The following GPRIN3 variants were observed in gnomAD, a reference collection of about 807,000 sequenced individuals.
The protein encoded by GPRIN3 is G protein-regulated inducer of neurite outgrowth 3.
GPRIN3 carries 12 observed loss-of-function variants against 13.7 expected under a neutral mutation model. The ratio of observed to expected loss-of-function variants is 0.87; its 90% CI spans 0.56 to 1.42. GPRIN3 has a LOEUF of 1.42. Among genes scored for constraint, GPRIN3 ranks in the 40% most tolerant of loss-of-function variants. The pLI is 0.00. For missense variants in GPRIN3, 1,009 were observed against 958.7 expected (o/e 1.05, Z -0.69); for synonymous variants, 377 against 372.7 (o/e 1.01, Z -0.13).
At chr4:89,258,691 G>A (rs954560237) in intron 1 of GPRIN3, among the ~76,000 whole-genome samples, 7 of 152,292 alleles carry the variant, frequency 4.6e-5, no homozygotes, top group East Asian at 1.9e-4. Context: ...CATGAGGGTC[G>A]TATGACCTGC....
In GPRIN3 at chr4:89,250,219, C is replaced by T. The variant is rs1248599830; in HGVS notation, c.-109G>A. The T allele has an allele frequency of 1.3e-6, 2 of 1,505,332 alleles. No individual in the cohort carries two copies. The highest frequency in any genetic ancestry group is 2.8e-5 in the South Asian group (2 of 72,182). 93.2% of individuals were successfully genotyped at this position (1,505,332 alleles called of 1,614,324 possible). On this transcript the variant is annotated 5_prime_UTR_variant, in exon 2 of 2. Transcript: ENST00000609438. ...GTGATGACACAGTCAGGGATGATTC[C>T]TCTGAAGAACCAGCCTGTGAATCAA...
intron 1 of GPRIN3, among the ~76,000 whole-genome samples, chr4:89,281,910 T>A (rs1724261140): frequency 6.6e-6 from 1 of 152,124 alleles, no homozygotes; most frequent in Admixed American, 6.5e-5. Context: ...CTTTCCTCTG[T>A]TGTCTCATTG....
rs202023170 is a variant in GPRIN3, at chr4:89,248,004, C to T, written c.2107G>A (p.Glu703Lys). Reference protein sequence around the residue: ...WEVYGASLDAESLGIAIQNHL... With the variant: ...WEVYGASLDAKSLGIAIQNHL... ...TTCTGGATCGCGATTCCCAGGGACT[C>T]TGCGTCCAAGGATGCACCATACACT... Residue 703 changes from glutamate to lysine, a missense_variant, in exon 2 of 2, where the codon GAG becomes AAG. Glu to Lys is a moderately conservative substitution (Grantham distance 56). Transcript: ENST00000609438. The T allele has an allele frequency of 5.0e-5, 81 of 1,613,998 alleles. No homozygotes were observed. Among genetic ancestry groups the T allele is most frequent in the Middle Eastern group, 1.6e-4 (1 of 6,084 alleles).
chr4:89,269,738 AT>A, intron 1 of GPRIN3, among the ~76,000 whole-genome samples: 2 of 152,316 alleles, frequency 1.3e-5, no homozygotes, highest in Middle Eastern at 6.8e-3. Context: ...AGGAATTTCC[AT>A]TTCATCTTCA....
rs181917128 is a variant in GPRIN3 at position 89,298,560 on chromosome 4, T to G, written c.-124+9055A>C. Among the ~76,000 whole-genome samples, 144 of 152,200 alleles carry G rather than the reference T, an allele frequency of 9.5e-4. 2 individuals carry two copies. Among genetic ancestry groups the G allele is most frequent in the Non-Finnish European group, 1.7e-3 (118 of 68,002 alleles). ...TTCTAATTTTGTTGAACTATATTTATTACTAAGCTTATTCCCGTTGTCTGG... is the reference window on the plus strand; with the variant it reads ...TTCTAATTTTGTTGAACTATATTTAGTACTAAGCTTATTCCCGTTGTCTGG... On this transcript the variant is annotated intron_variant, in intron 1 of 1. Transcript: ENST00000609438.
chr4:89,290,391 T>C (rs977526136), intron 1 of GPRIN3, among the ~76,000 whole-genome samples: 1 of 152,126 alleles, frequency 6.6e-6, no homozygotes, highest in Non-Finnish European at 1.5e-5. Context: ...TATTCATTAA[T>C]TAACACCAAA....
chr4:89,259,749 T>C (rs1004711655), intron 1 of GPRIN3, among the ~76,000 whole-genome samples: 2 of 152,054 alleles, frequency 1.3e-5, no homozygotes, highest in African/African-American at 4.8e-5. Context: ...AGTCTTCCAC[T>C]CCACTTGCTT....
intron 1 of GPRIN3, among the ~76,000 whole-genome samples, chr4:89,295,263 T>C (rs1724700275): frequency 6.6e-6 from 1 of 152,230 alleles, no homozygotes; most frequent in African/African-American, 2.4e-5. Flanking sequence ...AACGTGAGCC[T>C]TGATAATGCA....
Position 89,244,687 on chromosome 4 carries a change from A to G in GPRIN3, c.*3093T>C, listed in dbSNP as rs2149249168. The G allele has an allele frequency of 6.6e-6, 1 of 152,314 alleles. No individual in the cohort carries two copies. Among genetic ancestry groups the G allele is most frequent in the South Asian group, 2.1e-4 (1 of 4,826 alleles). The allele number at this position is 152,314 out of a possible 1,614,324, so 9.4% of individuals were successfully genotyped here. On this transcript the variant is annotated 3_prime_UTR_variant, in exon 2 of 2. Coordinates refer to ENST00000609438, the MANE Select transcript of GPRIN3 (RefSeq NM_198281.3). ...TTCTCATGGTCATAAAAACAGAACA[A>G]TCAATCTTTAAATTAAAAATTTTAG...
intron 1 of GPRIN3, among the ~76,000 whole-genome samples, chr4:89,298,682 T>C (rs1724809372): frequency 6.6e-6 from 1 of 151,980 alleles, no homozygotes; most frequent in Non-Finnish European, 1.5e-5. Context: ...TATGTATATA[T>C]ATATATCTCA....
At chr4:89,268,958 C>A (rs1723854679) in intron 1 of GPRIN3, among the ~76,000 whole-genome samples, 1 of 152,066 alleles carries the variant, frequency 6.6e-6, no homozygotes, top group Non-Finnish European at 1.5e-5. Context: ...CCTTGAATGA[C>A]TGTTAAGATA....
rs150956384 is a variant in GPRIN3, at chr4:89,250,027, T to C, written c.84A>G (p.Pro28=). ...GTCGATGCCGAGGTGAGGCAGCCTGTGGCTCTCCTAGATCGTCTTCTTTTC... is the reference window on the plus strand; with the variant it reads ...GTCGATGCCGAGGTGAGGCAGCCTGCGGCTCTCCTAGATCGTCTTCTTTTC... ...ASGKEDDLGE[P]QAASPRHRPA... is the part of the protein sequence containing the mutation. Residue 28 remains proline (P), a synonymous_variant, in exon 2 of 2, where the codon CCA becomes CCG. Transcript: ENST00000609438. 6.2e-7 allele frequency: 1 copy of C among 1,614,202 alleles called. No homozygotes were observed. Among genetic ancestry groups the C allele is most frequent in the Admixed American group, 1.7e-5 (1 of 60,028 alleles).
rs139393546 is a variant in GPRIN3, at chr4:89,276,475, G to C, written c.-123-26242C>G. ...TTTGCTTATCATTTATATGTGCAGA[G>C]AGACTAGTTGAAAAAGACACCATCA... On this transcript the variant is annotated intron_variant, in intron 1 of 1. Coordinates refer to ENST00000609438, the MANE Select transcript of GPRIN3 (RefSeq NM_198281.3). Among the ~76,000 whole-genome samples the C allele has an allele frequency of 1.4e-4, 21 of 152,288 alleles. No homozygotes were observed. In the South Asian group the frequency reaches 4.1e-3, roughly 30 times the overall value.
chr4:89,241,408 T>C lies in GPRIN3; in HGVS notation c.*6372A>G, dbSNP rs1722943143. ...AAAATAGAAAACTGATCACTCAGAC[T>C]GTACACACTCACAGAATGTATTGAC... On this transcript the variant is annotated 3_prime_UTR_variant, in exon 2 of 2. Transcript: ENST00000609438. The C allele has an allele frequency of 6.6e-6, 1 of 152,200 alleles. No homozygotes were observed. Among genetic ancestry groups the C allele is most frequent in the African/African-American group, 2.4e-5 (1 of 41,448 alleles). The allele number at this position is 152,200 out of a possible 1,614,324, so 9.4% of individuals were successfully genotyped here. A position where few individuals can be genotyped will look rare whatever the true frequency, so the allele number is the denominator to read the frequency against.
intron 1 of GPRIN3, among the ~76,000 whole-genome samples, chr4:89,304,460 C>G (rs1479086211): frequency 1.3e-5 from 2 of 152,112 alleles, no homozygotes; most frequent in African/African-American, 4.8e-5. Context: ...AATACTTACT[C>G]TTCTGTTTTA....
At chr4:89,287,246 AT>A (rs1333629346) in intron 1 of GPRIN3, among the ~76,000 whole-genome samples, 53 of 152,378 alleles carry the variant, frequency 3.5e-4, no homozygotes, top group African/African-American at 1.3e-3. Flanking sequence ...GAAAAATGCC[AT>A]GAGAGAGCAA....
chr4:89,283,891 G>T lies in GPRIN3; in HGVS notation c.-124+23724C>A, dbSNP rs545125311. Among the ~76,000 whole-genome samples, 28 of 152,312 alleles carry T rather than the reference G, an allele frequency of 1.8e-4. 1 individual carries two copies. The South Asian group carries it at 5.4e-3, about 29-fold the overall frequency. ...ATATAGGGCTAAAGGGTGTGACAAA[G>T]TAAAACTGCGGGGGGCTTTGTAAGT... On this transcript the variant is annotated intron_variant, in intron 1 of 1. Transcript: ENST00000609438.
chr4:89,284,142 G>C (rs1724334864), intron 1 of GPRIN3, among the ~76,000 whole-genome samples: 1 of 152,236 alleles, frequency 6.6e-6, no homozygotes, highest in Non-Finnish European at 1.5e-5. Context: ...AAGGGCCTCA[G>C]CAGGATTCTG....
intron 1 of GPRIN3, among the ~76,000 whole-genome samples, chr4:89,300,224 T>C (rs987021408): frequency 6.6e-6 from 1 of 152,126 alleles, no homozygotes; most frequent in African/African-American, 2.4e-5. Flanking sequence ...TGGAGCTCAA[T>C]GGTACTTAGG....
Sources: allele counts gnomAD v4.1 joint callset (sites outside exome capture counted in the v4.1 genomes callset), GRCh38; gene constraint gnomAD v4.1.1; transcripts MANE v1.5; gene names NCBI Gene and HGNC (gene_info 2026-07-23, HGNC 2026-07-21).